Variants in DDAH1 observed in about 807,000 individuals in gnomAD.
DDAH1 encodes dimethylarginine dimethylaminohydrolase 1.
Under a neutral mutation model 28.8 loss-of-function variants are expected in DDAH1, and 19 were observed. The observed-to-expected ratio is 0.66, with a 90% CI of 0.46 to 0.97. DDAH1 has a LOEUF of 0.97. Among genes scored for constraint, DDAH1 ranks in the 50% least tolerant of loss-of-function variants. DDAH1 has a pLI of 0.00. For missense variants in DDAH1, 326 were observed against 375.9 expected, an observed-to-expected ratio of 0.87 and a Z score of 1.10; for synonymous variants, 153 against 154.4, an observed-to-expected ratio of 0.99 and a Z score of 0.07.
At chr1:85,356,710 T>C (rs994733882) in intron 2 of DDAH1, among the ~76,000 whole-genome samples, 7 of 152,188 alleles carry the variant, frequency 4.6e-5, no homozygotes, top group South Asian at 2.1e-4. Flanking sequence ...AACTTAAGTA[T>C]TGAATATAAC....
chr1:85,450,422 T>C (rs969316002), intron 1 of DDAH1, among the ~76,000 whole-genome samples: 1 of 152,226 alleles, frequency 6.6e-6, no homozygotes, highest in African/African-American at 2.4e-5. Flanking sequence ...AGTCTCTTTC[T>C]ATCAGGACCT....
At chr1:85,550,216 A>C (rs72942694) in intron 1 of DDAH1, among the ~76,000 whole-genome samples, 10,008 of 152,206 alleles carry the variant, frequency 0.066, 1,086 homozygotes, top group African/African-American at 0.23. Flanking sequence ...CCAAGACCTA[A>C]TGACCTGTCT....
At chr1:85,451,556 T>C (rs905218893) in intron 1 of DDAH1, among the ~76,000 whole-genome samples, 4 of 152,126 alleles carry the variant, frequency 2.6e-5, no homozygotes, top group African/African-American at 9.7e-5. Flanking sequence ...TTTGAATTTA[T>C]AGCTGTCCCC....
intron 1 of DDAH1, among the ~76,000 whole-genome samples, chr1:85,373,704 T>C (rs11809053): frequency 0.043 from 6,504 of 152,198 alleles, 484 homozygotes; most frequent in African/African-American, 0.15. Context: ...AGTATCTTTA[T>C]AGCAGTGTGA....
chr1:85,558,764 A>T (rs1340877223), intron 1 of DDAH1, among the ~76,000 whole-genome samples: 2 of 152,198 alleles, frequency 1.3e-5, no homozygotes, highest in African/African-American at 4.8e-5. Flanking sequence ...TAATCTCATC[A>T]TCTGGAGATA....
At chr1:85,493,022 C>T (rs1656458801) in intron 2 of DDAH1, among the ~76,000 whole-genome samples, 1 of 152,042 alleles carries the variant, frequency 6.6e-6, no homozygotes, top group Admixed American at 6.6e-5. Flanking sequence ...CTTTTGCCTT[C>T]ATGGGCCCCT....
chr1:85,361,182 T>C (rs534175425), intron 1 of DDAH1, among the ~76,000 whole-genome samples: 4 of 152,328 alleles, frequency 2.6e-5, no homozygotes, highest in South Asian at 2.1e-4. Flanking sequence ...TGAGGTTCCG[T>C]TGAAGCAGAC....
At chr1:85,504,492 A>C (rs1450682649) in intron 1 of DDAH1, among the ~76,000 whole-genome samples, 1 of 152,220 alleles carries the variant, frequency 6.6e-6, no homozygotes, top group Non-Finnish European at 1.5e-5. Context: ...GAACCAAGAA[A>C]ACCATCATTC....
chr1:85,423,201 G>C (rs1335352673), intron 1 of DDAH1, among the ~76,000 whole-genome samples: 1 of 152,204 alleles, frequency 6.6e-6, no homozygotes, highest in Non-Finnish European at 1.5e-5. Context: ...AGATCAGGTA[G>C]TGTGAGTCTT....
At chr1:85,446,514 C>T (rs966180577) in intron 1 of DDAH1, among the ~76,000 whole-genome samples, 5 of 152,078 alleles carry the variant, frequency 3.3e-5, no homozygotes, top group South Asian at 2.1e-4. Context: ...GGTGGGCTTT[C>T]AGGAAAAAGG....
chr1:85,342,454 C>G (rs1202846831), intron 4 of DDAH1, among the ~76,000 whole-genome samples: 2 of 151,594 alleles, frequency 1.3e-5, no homozygotes, highest in East Asian at 3.9e-4. Context: ...ATGCAAGCTT[C>G]CTGTTCTCAG....
chr1:85,327,601 C>A (rs2100793851), intron 4 of DDAH1, among the ~76,000 whole-genome samples: 1 of 152,304 alleles, frequency 6.6e-6, no homozygotes, highest in African/African-American at 2.4e-5. Flanking sequence ...ATGAGGTGGA[C>A]AGAGCATGGG....
chr1:85,526,888 G>A (rs1657892111), intron 1 of DDAH1, among the ~76,000 whole-genome samples: 1 of 149,710 alleles, frequency 6.7e-6, no homozygotes, highest in African/African-American at 2.5e-5. Flanking sequence ...GAAGGAGGGA[G>A]GGAGAAAAGA....
chr1:85,491,878 T>C (rs1656418203), intron 2 of DDAH1, among the ~76,000 whole-genome samples: 2 of 152,192 alleles, frequency 1.3e-5, no homozygotes, highest in African/African-American at 4.8e-5. Context: ...AATAACTAGG[T>C]GACCTAACCC....
At chr1:85,423,147 C>G (rs1437828597) in intron 1 of DDAH1, among the ~76,000 whole-genome samples, 1 of 152,112 alleles carries the variant, frequency 6.6e-6, no homozygotes, top group East Asian at 1.9e-4. Context: ...ATTTTATCAC[C>G]AATATACACT....
intron 1 of DDAH1, among the ~76,000 whole-genome samples, chr1:85,405,375 CTG>C (rs1652355999): frequency 6.6e-6 from 1 of 152,156 alleles, no homozygotes; most frequent in South Asian, 2.1e-4. Context: ...GTAAAAAACA[CTG>C]TATGTAGTTC....
chr1:85,515,743 A>C (rs1371442797), intron 1 of DDAH1, among the ~76,000 whole-genome samples: 1 of 152,176 alleles, frequency 6.6e-6, no homozygotes, highest in Admixed American at 6.5e-5. Context: ...GGAGGAAAGA[A>C]AAACAAATTT....
chr1:85,505,275 T>C (rs1023652381), intron 1 of DDAH1, among the ~76,000 whole-genome samples: 1 of 152,076 alleles, frequency 6.6e-6, no homozygotes, highest in Non-Finnish European at 1.5e-5. Flanking sequence ...ATTATCTTTT[T>C]CTTAATATCA....
chr1:85,326,581 C>G (rs1398100036), intron 4 of DDAH1, among the ~76,000 whole-genome samples: 1 of 152,218 alleles, frequency 6.6e-6, no homozygotes, highest in African/African-American at 2.4e-5. Flanking sequence ...TCAACTTCTG[C>G]AGCAGGAAAC....
Sources: gnomAD v4.1 joint callset for allele counts (sites outside exome capture counted in the v4.1 genomes callset) on GRCh38, gnomAD v4.1.1 for gene constraint, MANE v1.5 for transcripts, NCBI Gene and HGNC (gene_info 2026-07-23, HGNC 2026-07-21) for gene names.